Variants in TNRC18 observed in about 807,000 individuals in gnomAD.
The protein encoded by TNRC18 is trinucleotide repeat containing 18, also known as trinucleotide repeat-containing gene 18 protein.
A neutral mutation model predicts 226.7 loss-of-function variants in TNRC18; 69 were observed. That is an observed-to-expected ratio of 0.30 (90% CI 0.25 to 0.37). The LOEUF is 0.37. TNRC18 is among the 10% of genes least tolerant of loss of function. The pLI is 1.00. For missense variants in TNRC18, 4,754 were observed against 4,256.6 expected (o/e 1.12, Z -3.25); for synonymous variants, 2,449 against 1,927.6 (o/e 1.27, Z -7.09).
At chr7:5,319,414 G>C (rs1325769122) in intron 24 of TNRC18, among the ~76,000 whole-genome samples, 1 of 152,186 alleles carries the variant, frequency 6.6e-6, no homozygotes, top group African/African-American at 2.4e-5. Context: ...TTTTGCAAAA[G>C]CTAAGGGTTG....
intron 2 of TNRC18, among the ~76,000 whole-genome samples, chr7:5,411,726 A>C (rs1781856839): frequency 6.6e-6 from 1 of 152,148 alleles, no homozygotes; most frequent in Non-Finnish European, 1.5e-5. Flanking sequence ...TCAGACACAC[A>C]GGAGAGAGGC....
chr7:5,408,905 G>T (rs1000064178), intron 2 of TNRC18, among the ~76,000 whole-genome samples: 1 of 152,188 alleles, frequency 6.6e-6, no homozygotes, highest in Admixed American at 6.5e-5. Flanking sequence ...ACCACTGAGG[G>T]TATGCATTCT....
In TNRC18 at chr7:5,384,227, C is replaced by G. The variant is rs1779596174; in HGVS notation, c.2152+3445G>C. Among the ~76,000 whole-genome samples the G allele has an allele frequency of 3.3e-5, 5 of 152,152 alleles. No individual in the cohort carries two copies. The South Asian group carries it at 1.0e-3, about 31-fold the overall frequency. ...GGGTGATCCACCCGCCTCGGTCTCCCAAAGTGCTGGGATTACAGGCGTGAG... is the reference window on the plus strand; with the variant it reads ...GGGTGATCCACCCGCCTCGGTCTCCGAAAGTGCTGGGATTACAGGCGTGAG... On this transcript the variant is annotated intron_variant, in intron 5 of 29. Transcript: ENST00000430969.
chr7:5,390,664 T>G (rs1562604773), intron 3 of TNRC18, 36 bp from the exon 4 acceptor site: 1 of 1,476,140 alleles, frequency 6.8e-7, no homozygotes, highest in Non-Finnish European at 9.0e-7. Context: ...GCTGGGCCAA[T>G]TCGTGCTGCT....
At position 5,334,725 on chromosome 7, in the gene TNRC18, TC is replaced by T. The variant is rs917994134; in HGVS notation, c.5720-1677del. On this transcript the variant is annotated intron_variant, in intron 18 of 29. Transcript: ENST00000430969. The stretch of plus-strand genomic sequence containing the variant: ...AGAATGAGGTACCACCCCGTAACAG[TC>T]CCCCCAGAGATCCACTGGAACACCT... Among the ~76,000 whole-genome samples the T allele has an allele frequency of 2.6e-3, 393 of 151,792 alleles. 2 individuals carry two copies. The highest frequency in any genetic ancestry group is 8.4e-3 in the African/African-American group (348 of 41,408).
chr7:5,351,323 C>T (rs940438292), intron 17 of TNRC18, among the ~76,000 whole-genome samples: 5 of 152,128 alleles, frequency 3.3e-5, no homozygotes, highest in Admixed American at 1.3e-4. Context: ...TTTAATAAAG[C>T]TTGGTATTAC....
chr7:5,411,727 G>C (rs902445434), intron 2 of TNRC18, among the ~76,000 whole-genome samples: 1 of 152,072 alleles, frequency 6.6e-6, no homozygotes, highest in South Asian at 2.1e-4. Context: ...CAGACACACA[G>C]GAGAGAGGCA....
chr7:5,376,336 G>A (rs1794674913), intron 8 of TNRC18, 112 bp from the exon 9 acceptor site: 6 of 1,023,352 alleles, frequency 5.9e-6, no homozygotes, highest in South Asian at 1.8e-5. Flanking sequence ...GTGGGGAGCT[G>A]GGCTCTCTGC....
chr7:5,353,319 G>A lies in TNRC18; in HGVS notation c.5195-1225C>T, dbSNP rs571761774. Among the ~76,000 whole-genome samples the A allele has an allele frequency of 6.9e-4, 105 of 152,182 alleles. 1 individual carries two copies. Among genetic ancestry groups the A allele is most frequent in the African/African-American group, 2.4e-3 (98 of 41,512 alleles). On this transcript the variant is annotated intron_variant, in intron 16 of 29. Coordinates refer to ENST00000430969, the MANE Select transcript of TNRC18 (RefSeq NM_001080495.3). ...TGGGAGGCTGAGGCGGGCAGCTCAC[G>A]TGAGGCCAGGAGTTCGAGACCAGCC...
chr7:5,384,110 A>G (rs1048507367), intron 5 of TNRC18, among the ~76,000 whole-genome samples: 1 of 151,960 alleles, frequency 6.6e-6, no homozygotes, highest in South Asian at 2.1e-4. Context: ...GATTACAGGT[A>G]TGTGCCACCA....
In TNRC18 at chr7:5,314,989, T is replaced by C; in HGVS notation, c.7022A>G (p.Lys2341Arg). ...TGGGGACCAGGCCAACCTACCACCC[T>C]TGGCCTTGGCGCTGGGTTTCCGCCC... ...GRGRKPSAKA[K>R]GDRAATLEEG... Residue 2341 changes from lysine to arginine, a missense_variant, in exon 26 of 30, where the codon AAG becomes AGG. Transcript: ENST00000430969. 2 of 1,606,142 alleles carry C rather than the reference T, an allele frequency of 1.2e-6. No individual in the cohort carries two copies. The highest frequency in any genetic ancestry group is 8.5e-7 in the Non-Finnish European group (1 of 1,177,514).
intron 2 of TNRC18, among the ~76,000 whole-genome samples, chr7:5,410,074 G>A (rs1181153387): frequency 6.6e-6 from 1 of 151,680 alleles, no homozygotes; most frequent in Non-Finnish European, 1.5e-5. Context: ...ATTTTGGAAG[G>A]CTGAAGCGGG....
At position 5,352,092 on chromosome 7, in the gene TNRC18, T is replaced by A. The variant is rs370953047; in HGVS notation, c.5197A>T (p.Thr1733Ser). The A allele has an allele frequency of 1.3e-6, 2 of 1,599,044 alleles. No homozygotes were observed. The highest frequency in any genetic ancestry group is 3.5e-5 in the Admixed American group (2 of 57,002). Residue 1733 changes from threonine (T) to serine (S), a missense_variant and splice_region_variant, in exon 17 of 30, where the codon ACG becomes TCG. Coordinates refer to ENST00000430969, the MANE Select transcript of TNRC18 (RefSeq NM_001080495.3). ...ASEVSSYSYN[T>S]DSEEDEEFLK... ...AATTCTTCGTCTTCCTCTGAGTCCGTATCTGCAGTCAAAGTAGTTTTTAAT... is the reference window on the plus strand; with the variant it reads ...AATTCTTCGTCTTCCTCTGAGTCCGAATCTGCAGTCAAAGTAGTTTTTAAT...
At chr7:5,329,217 C>T (rs372988609) in intron 19 of TNRC18, among the ~76,000 whole-genome samples, 9 of 151,030 alleles carry the variant, frequency 6.0e-5, no homozygotes, top group African/African-American at 9.7e-5. Flanking sequence ...GCAAGAGAAT[C>T]GCTTTAATCT....
chr7:5,416,340 G>A (rs1450419539), intron 2 of TNRC18, among the ~76,000 whole-genome samples: 7 of 149,290 alleles, frequency 4.7e-5, no homozygotes, highest in South Asian at 4.3e-4. Flanking sequence ...GTGTGAACCC[G>A]GGAGGCAGAG....
intron 1 of TNRC18, chr7:5,422,755 T>G (rs1166838997): frequency 1.3e-5 from 2 of 152,268 alleles, no homozygotes; most frequent in African/African-American, 4.8e-5. Context: ...AACCCGGTTT[T>G]GGTTACAAAC....
intron 18 of TNRC18, 149 bp from the exon 19 acceptor site, chr7:5,333,198 G>T (rs1431272654): frequency 1.0e-6 from 1 of 961,156 alleles, no homozygotes; most frequent in Non-Finnish European, 1.6e-6. Context: ...CTGAGGCCCA[G>T]AGGAGAAAGA....
chr7:5,311,071 G>C (rs1399638192), intron 27 of TNRC18, among the ~76,000 whole-genome samples: 1 of 152,264 alleles, frequency 6.6e-6, no homozygotes, highest in Admixed American at 6.5e-5. Context: ...ATTTGCATAT[G>C]TGTGCATGTT....
At position 5,365,191 on chromosome 7, in the gene TNRC18, A is replaced by T. The variant is rs372967215; in HGVS notation, c.4220-2366T>A. 5.9e-5 allele frequency among the ~76,000 whole-genome samples: 9 copies of T among 152,316 alleles called. 1 individual carries two copies. In the East Asian group the frequency reaches 1.7e-3, roughly 29 times the overall value. On this transcript the variant is annotated intron_variant, in intron 11 of 29. Coordinates refer to ENST00000430969, the MANE Select transcript of TNRC18 (RefSeq NM_001080495.3). Reference sequence around the variant, plus strand: ...GGAGTTCACCATCACACGTCACCACAGCCTCAAGCTGCCAGGCTCAAGCAA... The same window carrying T: ...GGAGTTCACCATCACACGTCACCACTGCCTCAAGCTGCCAGGCTCAAGCAA...
Sources: allele counts gnomAD v4.1 joint callset (sites outside exome capture counted in the v4.1 genomes callset), GRCh38; gene constraint gnomAD v4.1.1; transcripts MANE v1.5; gene names NCBI Gene and HGNC (gene_info 2026-07-23, HGNC 2026-07-21).